The following ACAN variants were observed in gnomAD, a reference collection of about 807,000 sequenced individuals.
ACAN encodes the protein aggrecan, also known as aggrecan core protein.
ACAN carries 47 observed loss-of-function variants against 169.1 expected under a neutral mutation model. That is an observed-to-expected ratio of 0.28 (90% CI 0.22 to 0.35). The LOEUF is 0.35. ACAN is among the 10% of genes least tolerant of loss of function. The pLI is 1.00. For missense variants in ACAN, 2,716 were observed against 2,759.9 expected (o/e 0.98, Z 0.36); for synonymous variants, 1,115 against 1,112.2 (o/e 1.00, Z -0.05).
chr15:88,840,288 G>C, intron 4 of ACAN, 102 bp downstream of exon 4: 1 of 1,379,176 alleles, frequency 7.3e-7, no homozygotes, highest in Non-Finnish European at 9.6e-7. Context: ...GCTGGTGCCA[G>C]CATGACACTG....
chr15:88,849,549 G>A lies in ACAN; in HGVS notation c.1844G>A (p.Trp615Ter). 1 of 1,605,870 alleles carries A rather than the reference G, an allele frequency of 6.2e-7. No individual in the cohort carries two copies. Among genetic ancestry groups the A allele is most frequent in the Non-Finnish European group, 8.5e-7 (1 of 1,176,520 alleles). ...ACCACGGGCCAGCTCTACGCCGCCT[G>A]GAGCCGCGGCCTGGACAAGTGCTAT... ...LATTGQLYAA[W>*]SRGLDKCYAG... The change falls in exon 10 of 19, where the codon TGG becomes TAG. Residue 615 changes from tryptophan to a stop codon, truncating the protein, a stop_gained. Coordinates refer to ENST00000560601, the MANE Select transcript of ACAN (RefSeq NM_001369268.1). LOFTEE classifies it high-confidence loss of function. This position sits in a 1 kb window ranked among gnomAD's most constrained non-coding sequence, Gnocchi z 5.1.
rs1037750977 is a variant in ACAN, at chr15:88,857,307, G to A, written c.4722G>A (p.Glu1574=). 4.3e-6 allele frequency: 7 copies of A among 1,613,792 alleles called. No individual in the cohort carries two copies. In the Admixed American group the frequency reaches 1.0e-4, roughly 23 times the overall value. ...TCAGTGGGCTTCCTTCTGGAAGGGA[G>A]GGTCTAGAGACTTCAGCTTCTGGAG... ...TDLSGLPSGR[E]GLETSASGAE... Residue 1574 remains glutamate (E), a synonymous_variant, in exon 12 of 19, where the codon GAG becomes GAA. Transcript: ENST00000560601.
chr15:88,851,764 A>G lies in ACAN; in HGVS notation c.2027-30A>G. 1 of 1,538,934 alleles carries G rather than the reference A, an allele frequency of 6.5e-7. No individual in the cohort carries two copies. Among genetic ancestry groups the G allele is most frequent in the Non-Finnish European group, 8.8e-7 (1 of 1,140,820 alleles). On this transcript the variant is annotated intron_variant, in intron 10 of 18. Coordinates refer to ENST00000560601, the MANE Select transcript of ACAN (RefSeq NM_001369268.1). This position sits in a 1 kb window ranked among gnomAD's most constrained non-coding sequence, Gnocchi z 4.3. ...AGGACGGGTCACTGGTAAGAGAGGG[A>G]CTCACTCTGACCACCCACATCTCCT...
intron 1 of ACAN, among the ~76,000 whole-genome samples, chr15:88,815,885 A>G (rs1272376967): frequency 2.0e-5 from 3 of 152,228 alleles, no homozygotes; most frequent in African/African-American, 7.2e-5. Context: ...TTAAAACAAT[A>G]GACATTTATA....
At chr15:88,828,834 T>A (rs1896290571) in intron 1 of ACAN, among the ~76,000 whole-genome samples, 1 of 152,160 alleles carries the variant, frequency 6.6e-6, no homozygotes, top group Admixed American at 6.5e-5. Flanking sequence ...CAGGCAGCCA[T>A]TTTAGTCAGG....
At chr15:88,833,213 A>G (rs1339752723) in intron 1 of ACAN, among the ~76,000 whole-genome samples, 2 of 152,214 alleles carry the variant, frequency 1.3e-5, no homozygotes, top group Admixed American at 1.3e-4. Context: ...ACATGCACGC[A>G]TGCTCACACA....
intron 1 of ACAN, among the ~76,000 whole-genome samples, chr15:88,821,012 G>C (rs1382427240): frequency 2.0e-5 from 3 of 152,088 alleles, no homozygotes; most frequent in African/African-American, 7.2e-5. Context: ...CTGAGCAAAG[G>C]GGGAAAAGCC....
At position 88,838,630 on chromosome 15, in the gene ACAN, A is replaced by C; in HGVS notation, c.71-33A>C. 6.5e-7 allele frequency: 1 copy of C among 1,548,440 alleles called. No individual in the cohort carries two copies. The highest frequency in any genetic ancestry group is 1.3e-5 in the South Asian group (1 of 79,712). ...GGGGTGGTCCTCTCTAGGCACTAAC[A>C]GGTCTCTCTTCTACCCCACCTCTCC... On this transcript the variant is annotated intron_variant, in intron 2 of 18. Transcript: ENST00000560601. This position sits in a 1 kb window ranked among gnomAD's most constrained non-coding sequence, Gnocchi z 5.1.
Position 88,843,721 on chromosome 15 carries a change from G to A in ACAN, c.1051+73G>A. ...GGTCCTAGAGGGAAGAGGGGATCTTGGAAAGGGAGGGTTGGTTTTTGCCCT... is the reference window on the plus strand; with the variant it reads ...GGTCCTAGAGGGAAGAGGGGATCTTAGAAAGGGAGGGTTGGTTTTTGCCCT... On this transcript the variant is annotated intron_variant, in intron 6 of 18. Coordinates refer to ENST00000560601, the MANE Select transcript of ACAN (RefSeq NM_001369268.1). The surrounding 1 kb of genome is among the most constrained non-coding windows in gnomAD (Gnocchi z 4.0). The A allele has an allele frequency of 6.7e-7, 1 of 1,491,428 alleles. No individual in the cohort carries two copies. The highest frequency in any genetic ancestry group is 8.9e-7 in the Non-Finnish European group (1 of 1,119,764). 92.4% of individuals were successfully genotyped at this position (1,491,428 alleles called of 1,614,324 possible). A position where few individuals can be genotyped will look rare whatever the true frequency, so the allele number is the denominator to read the frequency against.
In ACAN at chr15:88,858,071, T is replaced by C. The variant is rs772021322; in HGVS notation, c.5486T>C (p.Ile1829Thr). 4 of 1,613,830 alleles carry C rather than the reference T, an allele frequency of 2.5e-6. No homozygotes were observed. Among genetic ancestry groups the C allele is most frequent in the South Asian group, 1.1e-5 (1 of 91,066 alleles). Residue 1829 changes from isoleucine (I) to threonine (T), a missense_variant, in exon 12 of 19, where the codon ATT (isoleucine) becomes ACT (threonine). By Grantham distance (89) the Ile-to-Thr change is moderately conservative. Transcript: ENST00000560601. This position sits in a 1 kb window ranked among gnomAD's most constrained non-coding sequence, Gnocchi z 4.0. ...TTSGSGESSG[I>T]TFVDTSLVEV... ...AGTGGCAGCGGTGAATCTTCTGGGA[T>C]TACATTTGTGGACACCAGTTTGGTT... is the stretch of plus-strand genomic sequence containing the variant.
Position 88,845,663 on chromosome 15 carries a change from A to G in ACAN, c.1210A>G (p.Ile404Val), listed in dbSNP as rs148070768. ...RGSVILTVKP[I>V]FEVSPSPLEP... ...CAGCGTGATCCTTACCGTAAAGCCC[A>G]TCTTCGAGGTCTCCCCCAGTCCCCT... Residue 404 changes from isoleucine (I) to valine (V), a missense_variant, in exon 7 of 19, where the codon ATC (isoleucine) becomes GTC (valine). By Grantham distance (29) the Ile-to-Val change is conservative (BLOSUM62 3). Coordinates refer to ENST00000560601, the MANE Select transcript of ACAN (RefSeq NM_001369268.1). 10,068 of 1,614,026 alleles carry G rather than the reference A, an allele frequency of 6.2e-3. 622 individuals carry two copies. In the South Asian group the frequency reaches 0.097, roughly 16 times the overall value.
Position 88,858,377 on chromosome 15 carries a change from T to TC in ACAN, c.5796dup (p.Thr1933HisfsTer73). 1 of 1,613,876 alleles carries TC rather than the reference T, an allele frequency of 6.2e-7. No individual in the cohort carries two copies. The highest frequency in any genetic ancestry group is 8.5e-7 in the Non-Finnish European group (1 of 1,179,884). ...TATGGCAGTGGAACTCCATCTAGTT[T>TC]CCCCACTGTCTCTCTTGTAGACAGA... On this transcript the variant is annotated frameshift_variant, in exon 12 of 19. Transcript: ENST00000560601. LOFTEE classifies it high-confidence loss of function. The surrounding 1 kb of genome is among the most constrained non-coding windows in gnomAD (Gnocchi z 4.0).
intron 1 of ACAN, among the ~76,000 whole-genome samples, chr15:88,809,925 T>C (rs1414689883): frequency 1.3e-5 from 2 of 152,094 alleles, no homozygotes; most frequent in African/African-American, 2.4e-5. Context: ...TAAAATGGAG[T>C]TGAAGTCATG....
At chr15:88,831,837 G>T (rs954497775) in intron 1 of ACAN, among the ~76,000 whole-genome samples, 3 of 152,212 alleles carry the variant, frequency 2.0e-5, no homozygotes, top group African/African-American at 7.2e-5. Context: ...GGTCCAGAAG[G>T]CCGCCACAGG....
intron 4 of ACAN, among the ~76,000 whole-genome samples, chr15:88,841,421 C>T (rs1298665455): frequency 6.6e-6 from 1 of 152,140 alleles, no homozygotes; most frequent in African/African-American, 2.4e-5. Context: ...GGGTGCTTCA[C>T]GCTACAGTGG....
At position 88,815,600 on chromosome 15, in the gene ACAN, T is replaced by TA. The variant is rs200368857; in HGVS notation, c.-8+11804dup. On this transcript the variant is annotated intron_variant, in intron 1 of 18. Transcript: ENST00000560601. ...GTAGAAGTGCAGAAGAGAAAGGTCTTAAAAAAAAAAAAACCATCAAGAACA... is the reference window on the plus strand; with the variant it reads ...GTAGAAGTGCAGAAGAGAAAGGTCTTAAAAAAAAAAAAAACCATCAAGAACA... Among the ~76,000 whole-genome samples the TA allele has an allele frequency of 3.0e-3, 253 of 84,008 alleles. 1 individual carries two copies. Among genetic ancestry groups the TA allele is most frequent in the East Asian group, 0.013 (43 of 3,280 alleles). The allele number at this position is 84,008 out of a possible 152,430, so 55.1% of individuals were successfully genotyped here.
chr15:88,840,452 T>G (rs1052437435), intron 4 of ACAN, among the ~76,000 whole-genome samples: 1 of 152,238 alleles, frequency 6.6e-6, no homozygotes, highest in Non-Finnish European at 1.5e-5. Context: ...CCTACCCATT[T>G]TTTTCTTTGC....
rs33937048 is a variant in ACAN, at chr15:88,807,747, A to AGTGTGTGTGT, written c.-8+3968_-8+3977dup. 9.3e-3 allele frequency among the ~76,000 whole-genome samples: 1,317 copies of AGTGTGTGTGT among 142,046 alleles called. 28 individuals are homozygous for AGTGTGTGTGT. The highest frequency in any genetic ancestry group is 0.026 in the East Asian group (120 of 4,648). 93.2% of individuals were successfully genotyped at this position (142,046 alleles called of 152,430 possible). On this transcript the variant is annotated intron_variant, in intron 1 of 18. Coordinates refer to ENST00000560601, the MANE Select transcript of ACAN (RefSeq NM_001369268.1). The surrounding 1 kb of genome is among the most constrained non-coding windows in gnomAD (Gnocchi z 4.0). The stretch of plus-strand genomic sequence containing the variant: ...CTCAGAGCCTCCTTATAAGTGGTGG[A>AGTGTGTGTGT]GTGTGTGTGTGTGTGTGTGTGTGTG...
chr15:88,840,098 A>G lies in ACAN; in HGVS notation c.541A>G (p.Ile181Val). The G allele has an allele frequency of 6.2e-7, 1 of 1,605,518 alleles. No homozygotes were observed. Among genetic ancestry groups the G allele is most frequent in the Non-Finnish European group, 8.5e-7 (1 of 1,176,064 alleles). ...AQRACLQNSA[I>V]IATPEQLQAA... The stretch of plus-strand genomic sequence containing the variant: ...GCGGGCCTGCCTGCAGAACAGTGCC[A>G]TCATTGCCACGCCTGAGCAGCTGCA... Residue 181 changes from isoleucine to valine, a missense_variant, in exon 4 of 19, where the codon ATC becomes GTC. Physicochemically the swap from Ile to Val is conservative, Grantham distance 29. Transcript: ENST00000560601.
Sources: gnomAD v4.1 joint callset for allele counts (sites outside exome capture counted in the v4.1 genomes callset) on GRCh38, gnomAD v4.1.1 for gene constraint, Gnocchi (gnomAD v3.1) non-coding constraint, MANE v1.5 for transcripts, NCBI Gene and HGNC (gene_info 2026-07-23, HGNC 2026-07-21) for gene names.